CFAP77: variants seen among roughly 807,000 people sequenced by gnomAD.
CFAP77 encodes the protein cilia- and flagella-associated protein 77.
CFAP77 carries 25 observed loss-of-function variants against 31.1 expected under a neutral mutation model. The observed-to-expected ratio is 0.80, with a 90% confidence interval of 0.59 to 1.12. The LOEUF (loss-of-function observed/expected upper bound fraction) is 1.12, where lower values mean the gene tolerates loss of function less well. Among genes scored for constraint, CFAP77 ranks in the 50% most tolerant of loss-of-function variants. The pLI is 0.00. For synonymous variants in CFAP77, 151 were observed against 159.9 expected, an observed-to-expected ratio of 0.94 and a Z score of 0.42; for missense variants, 377 against 397.3, an observed-to-expected ratio of 0.95 and a Z score of 0.44.
At chr9:132,442,083 A>G (rs1294354117) in intron 1 of CFAP77, among the ~76,000 whole-genome samples, 1 of 152,162 alleles carries the variant, frequency 6.6e-6, no homozygotes, top group Admixed American at 6.6e-5. Flanking sequence ...TGATCTAGGT[A>G]CTAGGAATAC....
intron 3 of CFAP77, among the ~76,000 whole-genome samples, chr9:132,530,209 C>T (rs1852418413): frequency 7.0e-6 from 1 of 142,282 alleles, no homozygotes; most frequent in African/African-American, 2.6e-5. Context: ...AAGGAATCCT[C>T]CCACCTTGGA....
intron 3 of CFAP77, among the ~76,000 whole-genome samples, chr9:132,531,379 G>T (rs1422949118): frequency 1.3e-5 from 2 of 152,214 alleles, no homozygotes; most frequent in Non-Finnish European, 2.9e-5. Flanking sequence ...CCCCCGCGTG[G>T]GAGGGCGCCG....
intron 1 of CFAP77, among the ~76,000 whole-genome samples, chr9:132,444,953 A>G (rs1589853953): frequency 1.4e-5 from 2 of 145,396 alleles, no homozygotes; most frequent in Non-Finnish European, 3.0e-5. Flanking sequence ...CCCTAGCAAC[A>G]CTGTCCTATT....
At chr9:132,518,735 A>G (rs1336562352) in intron 3 of CFAP77, among the ~76,000 whole-genome samples, 3 of 152,080 alleles carry the variant, frequency 2.0e-5, no homozygotes, top group Non-Finnish European at 4.4e-5. Context: ...CCTTCCACCC[A>G]TCCCCAGAGA....
intron 3 of CFAP77, among the ~76,000 whole-genome samples, 162 bp from the exon 4 acceptor site, chr9:132,537,439 G>C (rs1040518833): frequency 6.6e-6 from 1 of 152,188 alleles, no homozygotes; most frequent in African/African-American, 2.4e-5. Context: ...TGAGGGACCT[G>C]TTTCGTGGCT....
At chr9:132,461,285 C>A (rs997621135) in intron 1 of CFAP77, among the ~76,000 whole-genome samples, 4 of 152,132 alleles carry the variant, frequency 2.6e-5, no homozygotes, top group Non-Finnish European at 5.9e-5. Flanking sequence ...ACAAAACCCA[C>A]GCATTGGACG....
chr9:132,418,551 CT>C (rs560610080), intron 1 of CFAP77, among the ~76,000 whole-genome samples: 39 of 152,336 alleles, frequency 2.6e-4, no homozygotes, highest in African/African-American at 9.1e-4. Context: ...CTCTCATACA[CT>C]TTATGGCTAT....
intron 3 of CFAP77, among the ~76,000 whole-genome samples, chr9:132,516,590 T>TAC (rs34683089): frequency 0.16 from 23,589 of 144,844 alleles, 1,947 homozygotes; most frequent in African/African-American, 0.24. Flanking sequence ...CACACAGAAA[T>TAC]ACACACACAC....
chr9:132,460,224 C>T (rs553137943), intron 1 of CFAP77, among the ~76,000 whole-genome samples: 8 of 152,138 alleles, frequency 5.3e-5, no homozygotes, highest in Non-Finnish European at 8.8e-5. Flanking sequence ...GGCAGTTCAG[C>T]GGTCAGACTG....
chr9:132,537,449 T>A (rs1852563253), intron 3 of CFAP77, 152 bp from the exon 4 acceptor site: 1 of 588,782 alleles, frequency 1.7e-6, no homozygotes, highest in Admixed American at 2.9e-5. Flanking sequence ...GTTTCGTGGC[T>A]TTTGAGCGCT....
At chr9:132,462,231 C>T (rs1053977276) in intron 1 of CFAP77, among the ~76,000 whole-genome samples, 7 of 151,318 alleles carry the variant, frequency 4.6e-5, no homozygotes, top group Admixed American at 1.3e-4. Context: ...GCCCCAGTGC[C>T]TGTGGCTGAT....
intron 1 of CFAP77, among the ~76,000 whole-genome samples, chr9:132,466,339 C>T (rs912817507): frequency 3.3e-5 from 5 of 152,138 alleles, no homozygotes; most frequent in African/African-American, 1.2e-4. Flanking sequence ...TGCCTTTAGA[C>T]AACGCTTTGA....
chr9:132,446,429 G>A lies in CFAP77; in HGVS notation c.195+35963G>A, dbSNP rs147446357. ...GTGCTTCACTCTTCACCTAACTACC[G>A]ACGGTGCCTGCCAAAGATATGGCTC... On this transcript the variant is annotated intron_variant, in intron 1 of 5. Coordinates refer to ENST00000393216, the MANE Select transcript of CFAP77 (RefSeq NM_001282957.2). Among the ~76,000 whole-genome samples the A allele has an allele frequency of 5.6e-3, 847 of 152,012 alleles. 10 individuals are homozygous for A. The highest frequency in any genetic ancestry group is 0.013 in the African/African-American group (559 of 41,454).
chr9:132,570,440 C>G (rs1042568739), intron 5 of CFAP77, among the ~76,000 whole-genome samples: 3 of 152,168 alleles, frequency 2.0e-5, no homozygotes, highest in African/African-American at 7.2e-5. Context: ...ATCTGAAACC[C>G]GAGGCTGGGG....
chr9:132,533,926 G>T (rs1335203444), intron 3 of CFAP77, among the ~76,000 whole-genome samples: 1 of 152,142 alleles, frequency 6.6e-6, no homozygotes, highest in African/African-American at 2.4e-5. Context: ...TGACAATGCT[G>T]GTCTAGAGGC....
At chr9:132,522,323 G>A (rs1031942833) in intron 3 of CFAP77, among the ~76,000 whole-genome samples, 7 of 152,196 alleles carry the variant, frequency 4.6e-5, no homozygotes, top group African/African-American at 1.7e-4. Flanking sequence ...AAGGGTGGGA[G>A]TCCAGGCTTT....
At chr9:132,555,046 G>A (rs1852879736) in intron 5 of CFAP77, among the ~76,000 whole-genome samples, 1 of 152,120 alleles carries the variant, frequency 6.6e-6, no homozygotes, top group African/African-American at 2.4e-5. Context: ...TTTGTTTGGT[G>A]TCTACTGGGT....
chr9:132,443,562 T>G (rs571214447), intron 1 of CFAP77, among the ~76,000 whole-genome samples: 1 of 152,222 alleles, frequency 6.6e-6, no homozygotes, highest in Non-Finnish European at 1.5e-5. Flanking sequence ...CAGAAAAGTA[T>G]TTTAATTTAA....
rs144897837 is a variant in CFAP77, at chr9:132,472,998, C to T, written c.196-25697C>T. The stretch of plus-strand genomic sequence containing the variant: ...GCAGGCTGTACAAGACGCATGGCAC[C>T]GGCATCTGCTCAGCTTCTGGTGAGA... On this transcript the variant is annotated intron_variant, in intron 1 of 5. Coordinates refer to ENST00000393216, the MANE Select transcript of CFAP77 (RefSeq NM_001282957.2). 6.9e-3 allele frequency among the ~76,000 whole-genome samples: 1,055 copies of T among 152,160 alleles called. 12 individuals are homozygous for T. Among genetic ancestry groups the T allele is most frequent in the Non-Finnish European group, 8.1e-3 (553 of 68,018 alleles).
Sources: allele counts gnomAD v4.1 joint callset (sites outside exome capture counted in the v4.1 genomes callset), GRCh38; gene constraint gnomAD v4.1.1; transcripts MANE v1.5; gene names NCBI Gene and HGNC (gene_info 2026-07-23, HGNC 2026-07-21).